Variants in YES1 observed in about 807,000 individuals in gnomAD.
The protein encoded by YES1 is tyrosine-protein kinase Yes.
YES1 carries 39 observed loss-of-function variants against 70.4 expected under a neutral mutation model. The ratio of observed to expected loss-of-function variants is 0.55; its 90% CI spans 0.43 to 0.72. The LOEUF (loss-of-function observed/expected upper bound fraction) is 0.72. Among genes scored for constraint, YES1 ranks in the 30% least tolerant of loss-of-function variants. The pLI is 0.00. For missense variants in YES1, 495 were observed against 644.8 expected (o/e 0.77, Z 2.52); for synonymous variants, 198 against 218.6 (o/e 0.91, Z 0.83).
chr18:774,303 T>C (rs1905278300), intron 1 of YES1, among the ~76,000 whole-genome samples: 2 of 152,202 alleles, frequency 1.3e-5, no homozygotes, highest in South Asian at 4.1e-4. Flanking sequence ...CACCCAGTCT[T>C]ATATCTTTAA....
intron 1 of YES1, among the ~76,000 whole-genome samples, chr18:793,022 T>C (rs955936837): frequency 6.6e-6 from 1 of 151,030 alleles, no homozygotes; most frequent in Admixed American, 6.7e-5. Context: ...TTAAGGTTCA[T>C]TATAATTATT....
chr18:783,571 T>C (rs1173902599), intron 1 of YES1, among the ~76,000 whole-genome samples: 1 of 151,766 alleles, frequency 6.6e-6, no homozygotes. Flanking sequence ...TCCCATTCCC[T>C]ACCCCCAACA....
At chr18:728,071 C>T (rs2080042941) in intron 11 of YES1, among the ~76,000 whole-genome samples, 2 of 152,088 alleles carry the variant, frequency 1.3e-5, no homozygotes, top group Admixed American at 6.5e-5. Context: ...CACGGTGGCT[C>T]GCACCTGTAA....
intron 1 of YES1, among the ~76,000 whole-genome samples, chr18:757,222 C>T (rs556061150): frequency 1.1e-4 from 16 of 152,222 alleles, no homozygotes; most frequent in African/African-American, 3.4e-4. Context: ...GAAAAAGTAT[C>T]GCTGGGCGCA....
rs1012547610 is a variant in YES1, at chr18:778,406, C to G, written c.-8-21571G>C. The stretch of plus-strand genomic sequence containing the variant: ...CAATCTACTAACTTTGGAAACAGCA[C>G]CCTGCCTGTCAGCATGACAATGTTG... On this transcript the variant is annotated intron_variant, in intron 1 of 11. Transcript: ENST00000314574. Among the ~76,000 whole-genome samples the G allele has an allele frequency of 5.9e-5, 9 of 152,332 alleles. 1 individual carries two copies. In the East Asian group the frequency reaches 7.7e-4, roughly 13 times the overall value.
chr18:811,835 G>A (rs1287902162), intron 1 of YES1, among the ~76,000 whole-genome samples: 1 of 152,144 alleles, frequency 6.6e-6, no homozygotes. Flanking sequence ...GGTGGGGAGT[G>A]TCCCCACGCC....
chr18:755,545 C>T (rs1210611575), intron 2 of YES1, among the ~76,000 whole-genome samples: 4 of 152,184 alleles, frequency 2.6e-5, no homozygotes, highest in Non-Finnish European at 5.9e-5. Context: ...AGCCACTGCG[C>T]CTGGCCTGGC....
intron 1 of YES1, among the ~76,000 whole-genome samples, chr18:795,754 A>C: frequency 2.1e-5 from 1 of 46,972 alleles, no homozygotes; most frequent in East Asian, 5.6e-4. Context: ...GGGGCCTGTT[A>C]GGGGGTGGGG....
At position 744,131 on chromosome 18, in the gene YES1, C is replaced by T. The variant is rs559700796; in HGVS notation, c.725-716G>A. On this transcript the variant is annotated intron_variant, in intron 6 of 11. Coordinates refer to ENST00000314574, the MANE Select transcript of YES1 (RefSeq NM_005433.4). ...ATGTTCCACTATTGTGCTAAATTAG[C>T]ACTTCACAAGTATCTCATATATAAA... Among the ~76,000 whole-genome samples the T allele has an allele frequency of 4.6e-5, 7 of 151,346 alleles. No homozygotes were observed. The South Asian group carries it at 1.5e-3, about 31-fold the overall frequency.
chr18:812,478 C>G (rs896607546), upstream of YES1: 5 of 152,138 alleles, frequency 3.3e-5, no homozygotes, highest in African/African-American at 4.8e-5. Flanking sequence ...CGTCAGGTCC[C>G]CTCCGCGGGC....
intron 1 of YES1, among the ~76,000 whole-genome samples, chr18:757,690 T>A (rs1446009824): frequency 6.6e-6 from 1 of 151,314 alleles, no homozygotes; most frequent in Non-Finnish European, 1.5e-5. Context: ...GGCGTGGTGG[T>A]GCACACCTGT....
rs2079960912 is a variant in YES1 at position 722,265 on chromosome 18, C to A, written c.*2159G>T. ...ATGACAGCACTCTTCTTAGGAAGAC[C>A]CTCTTGGTAGAGAGTGTCAATACTA... On this transcript the variant is annotated 3_prime_UTR_variant, in exon 12 of 12. Transcript: ENST00000314574. 6.6e-6 allele frequency: 1 copy of A among 152,516 alleles called. No homozygotes were observed. The highest frequency in any genetic ancestry group is 2.1e-4 in the South Asian group (1 of 4,818). 9.4% of individuals were successfully genotyped at this position (152,516 alleles called of 1,614,324 possible).
chr18:775,811 A>T (rs1407893519), intron 1 of YES1, among the ~76,000 whole-genome samples: 1 of 152,186 alleles, frequency 6.6e-6, no homozygotes, highest in African/African-American at 2.4e-5. Flanking sequence ...AAATTAAAAA[A>T]AAAAATAGAA....
chr18:772,183 C>A (rs1487095303), intron 1 of YES1, among the ~76,000 whole-genome samples: 1 of 151,788 alleles, frequency 6.6e-6, no homozygotes, highest in Non-Finnish European at 1.5e-5. Context: ...CATGCACCCA[C>A]CACATCCAGC....
intron 1 of YES1, among the ~76,000 whole-genome samples, chr18:784,793 A>G (rs1285475847): frequency 2.6e-5 from 4 of 152,194 alleles, no homozygotes; most frequent in Non-Finnish European, 4.4e-5. Context: ...TATTATGCCT[A>G]CCTGGATAAG....
At chr18:793,307 G>C (rs1906369107) in intron 1 of YES1, among the ~76,000 whole-genome samples, 1 of 152,008 alleles carries the variant, frequency 6.6e-6, no homozygotes, top group Admixed American at 6.6e-5. Context: ...CCAAAGTGCT[G>C]GGATTACAGG....
At position 726,146 on chromosome 18, in the gene YES1, C is replaced by T. The variant is rs558433290; in HGVS notation, c.1424-1514G>A. Among the ~76,000 whole-genome samples, 32 of 152,292 alleles carry T rather than the reference C, an allele frequency of 2.1e-4. No individual in the cohort carries two copies. In the South Asian group the frequency reaches 6.6e-3, roughly 32 times the overall value. ...TTTCATTCAAAACTTCACTCAAAGG[C>T]CGGGTGCGGTGGCTCATGCCTGTAA... On this transcript the variant is annotated intron_variant, in intron 11 of 11. Transcript: ENST00000314574.
intron 1 of YES1, among the ~76,000 whole-genome samples, chr18:765,800 T>C (rs547667738): frequency 6.6e-6 from 1 of 152,190 alleles, no homozygotes; most frequent in Non-Finnish European, 1.5e-5. Flanking sequence ...CAAGTGGCAC[T>C]TAAAATGATT....
chr18:760,091 T>C (rs546430446), intron 1 of YES1, among the ~76,000 whole-genome samples: 1 of 152,284 alleles, frequency 6.6e-6, no homozygotes, highest in African/African-American at 2.4e-5. Flanking sequence ...TGCCACATTT[T>C]CTTAATCCAG....
Sources: gnomAD v4.1 joint callset for allele counts (sites outside exome capture counted in the v4.1 genomes callset) on GRCh38, gnomAD v4.1.1 for gene constraint, MANE v1.5 for transcripts, NCBI Gene and HGNC (gene_info 2026-07-23, HGNC 2026-07-21) for gene names.